OXR1: variants seen among roughly 807,000 people sequenced by gnomAD.
OXR1 encodes the protein oxidation resistance 1.
In OXR1, 41 loss-of-function variants were observed where a neutral mutation model predicts 104.6. That is an observed-to-expected ratio of 0.39 (90% CI 0.31 to 0.51). The LOEUF is 0.51. Ranked by LOEUF, OXR1 falls within the 20% of genes least tolerant of loss-of-function variation. The pLI, the probability that OXR1 is intolerant of heterozygous loss-of-function variation, is 0.77. For missense variants in OXR1, 955 were observed against 1,031.9 expected (o/e 0.93, Z 1.02); for synonymous variants, 348 against 348.4 (o/e 1.00, Z 0.01).
intron 2 of OXR1, among the ~76,000 whole-genome samples, chr8:106,382,697 T>TG (rs1817203299): frequency 6.8e-6 from 1 of 146,432 alleles, no homozygotes; most frequent in African/African-American, 2.6e-5. Context: ...TTTTTTTTTT[T>TG]TTTTTTTTTT....
intron 3 of OXR1, among the ~76,000 whole-genome samples, chr8:106,653,035 C>T (rs531481701): frequency 6.1e-4 from 75 of 122,028 alleles, no homozygotes; most frequent in Non-Finnish European, 1.1e-3. Flanking sequence ...CCTAGAAAGA[C>T]AAAACTACCA....
chr8:106,373,140 T>C (rs1816775766), intron 2 of OXR1, among the ~76,000 whole-genome samples: 1 of 152,190 alleles, frequency 6.6e-6, no homozygotes. Context: ...TCTGGGAGGA[T>C]GTATATAGTT....
intron 1 of OXR1, among the ~76,000 whole-genome samples, chr8:106,288,735 T>G (rs942235615): frequency 3.3e-4 from 49 of 147,764 alleles, no homozygotes; most frequent in African/African-American, 1.2e-3. Flanking sequence ...TATAAATATA[T>G]AGAGAGAATA....
chr8:106,703,362 C>A (rs892914248), intron 8 of OXR1, among the ~76,000 whole-genome samples: 3 of 152,094 alleles, frequency 2.0e-5, no homozygotes, highest in South Asian at 4.1e-4. Flanking sequence ...GTTTACCAGC[C>A]TTTTTATTCA....
intron 2 of OXR1, among the ~76,000 whole-genome samples, chr8:106,402,434 A>G (rs73698969): frequency 1.0e-3 from 156 of 152,300 alleles, no homozygotes; most frequent in African/African-American, 3.6e-3. Flanking sequence ...CCAGCTGCTG[A>G]GTATATTTAT....
At chr8:106,413,695 G>A (rs922454041) in intron 2 of OXR1, among the ~76,000 whole-genome samples, 5 of 151,150 alleles carry the variant, frequency 3.3e-5, no homozygotes, top group African/African-American at 1.2e-4. Context: ...TAAAGAAATA[G>A]GATTAATATA....
rs564047293 is a variant in OXR1 at position 106,750,657 on chromosome 8, G to A, written c.2487-149G>A. ...TAAATAATTTTTTAATGGAATAGGA[G>A]TAAAACAAAATTGTGTCAGTGTGGA... On this transcript the variant is annotated intron_variant, in intron 16 of 16. Transcript: ENST00000517566. 53 of 585,500 alleles carry A rather than the reference G, an allele frequency of 9.1e-5. No homozygotes were observed. The African/African-American group carries it at 1.0e-3, about 11-fold the overall frequency. 36.3% of individuals were successfully genotyped at this position (585,500 alleles called of 1,614,324 possible).
chr8:106,563,422 T>C (rs1816839271), intron 3 of OXR1, among the ~76,000 whole-genome samples: 1 of 151,956 alleles, frequency 6.6e-6, no homozygotes, highest in Non-Finnish European at 1.5e-5. Flanking sequence ...AAGGTATCAA[T>C]GCAACAAGAA....
chr8:106,647,915 A>T (rs1824220403), intron 3 of OXR1, among the ~76,000 whole-genome samples: 1 of 152,228 alleles, frequency 6.6e-6, no homozygotes, highest in South Asian at 2.1e-4. Context: ...TAACATAGCT[A>T]GCCTTATAAT....
At chr8:106,479,858 A>G (rs757104925) in intron 2 of OXR1, among the ~76,000 whole-genome samples, 2 of 152,018 alleles carry the variant, frequency 1.3e-5, no homozygotes, top group Non-Finnish European at 1.5e-5. Context: ...ACTCTCCAAA[A>G]GATTATAGAG....
intron 3 of OXR1, among the ~76,000 whole-genome samples, chr8:106,627,633 A>T (rs1352561386): frequency 6.6e-6 from 1 of 152,100 alleles, no homozygotes; most frequent in East Asian, 1.9e-4. Context: ...GAATCTTTCT[A>T]CTTCTTCCCC....
chr8:106,649,253 T>C (rs531030941), intron 3 of OXR1, among the ~76,000 whole-genome samples: 1 of 151,122 alleles, frequency 6.6e-6, no homozygotes, highest in Non-Finnish European at 1.5e-5. Context: ...CACAATATGT[T>C]CCCATTTGTG....
At chr8:106,618,885 C>CT (rs111886842) in intron 3 of OXR1, among the ~76,000 whole-genome samples, 26 of 149,974 alleles carry the variant, frequency 1.7e-4, no homozygotes, top group African/African-American at 5.9e-4. Context: ...TGCCTTTTTT[C>CT]TTTTTTTTGG....
chr8:106,559,644 A>G (rs1382027013), intron 3 of OXR1, among the ~76,000 whole-genome samples: 2 of 152,240 alleles, frequency 1.3e-5, no homozygotes, highest in African/African-American at 4.8e-5. Flanking sequence ...CCAAGATCAT[A>G]GCACCAGCAG....
intron 3 of OXR1, among the ~76,000 whole-genome samples, chr8:106,646,064 CA>C (rs2130973425): frequency 6.6e-6 from 1 of 152,058 alleles, no homozygotes; most frequent in East Asian, 1.9e-4. Context: ...TAGGTTTTTC[CA>C]ATATTATTTT....
chr8:106,748,702 G>A (rs1461531039), intron 16 of OXR1, among the ~76,000 whole-genome samples: 2 of 150,920 alleles, frequency 1.3e-5, no homozygotes, highest in Non-Finnish European at 2.9e-5. Flanking sequence ...CCAAGCAGCT[G>A]GAATTACAGG....
rs961601530 is a variant in OXR1, at chr8:106,570,073, C to A, written c.220+50934C>A. On this transcript the variant is annotated intron_variant, in intron 3 of 16. Transcript: ENST00000517566. ...TTGATGCTTTGATCTGAGTTTGACC[C>A]CTGGCCATGATTCTTGCTTGTGTTT... Among the ~76,000 whole-genome samples the A allele has an allele frequency of 3.3e-5, 5 of 152,130 alleles. No individual in the cohort carries two copies. In the South Asian group the frequency reaches 6.2e-4, roughly 19 times the overall value.
At chr8:106,694,873 AATAT>A (rs1299794765) in intron 7 of OXR1, among the ~76,000 whole-genome samples, 2 of 93,592 alleles carry the variant, frequency 2.1e-5, no homozygotes, top group African/African-American at 9.7e-5. Flanking sequence ...ATTTATATAT[AATAT>A]ATATATTTAA....
chr8:106,744,040 C>T (rs1175360161), intron 15 of OXR1, among the ~76,000 whole-genome samples: 4 of 152,106 alleles, frequency 2.6e-5, no homozygotes, highest in Non-Finnish European at 4.4e-5. Flanking sequence ...TTGTGTCTGT[C>T]GCAGGGTGAG....
Sources: allele counts gnomAD v4.1 joint callset (sites outside exome capture counted in the v4.1 genomes callset), GRCh38; gene constraint gnomAD v4.1.1; transcripts MANE v1.5; gene names NCBI Gene and HGNC (gene_info 2026-07-23, HGNC 2026-07-21).